ECPAS: variants seen among roughly 807,000 people sequenced by gnomAD.
ECPAS encodes Ecm29 proteasome adaptor and scaffold.
In ECPAS, 70 loss-of-function variants were observed where a neutral mutation model predicts 255.1. The observed-to-expected ratio is 0.27, with a 90% CI of 0.23 to 0.33. The LOEUF (loss-of-function observed/expected upper bound fraction) is 0.33. Among genes scored for constraint, ECPAS ranks in the 10% least tolerant of loss-of-function variants. The probability of loss-of-function intolerance (pLI) is 1.00; values close to 1 mark genes in which losing one functional copy is unlikely to be tolerated. For synonymous variants in ECPAS, 784 were observed against 775.0 expected (o/e 1.01, Z -0.19); for missense variants, 1,817 against 2,206.4 (o/e 0.82, Z 3.54).
chr9:111,394,709 T>C (rs866959402), intron 25 of ECPAS, among the ~76,000 whole-genome samples: 1 of 152,310 alleles, frequency 6.6e-6, no homozygotes, highest in African/African-American at 2.4e-5. Context: ...ACTACCGACA[T>C]TGTGGCTGGA....
At chr9:111,467,643 A>C (rs2098281202) in intron 2 of ECPAS, among the ~76,000 whole-genome samples, 5 of 152,194 alleles carry the variant, frequency 3.3e-5, no homozygotes, top group Non-Finnish European at 1.5e-5. Flanking sequence ...ACCACCGCTA[A>C]CACCACACGA....
intron 2 of ECPAS, among the ~76,000 whole-genome samples, chr9:111,467,802 T>G (rs529693207): frequency 6.8e-4 from 103 of 152,270 alleles, no homozygotes; most frequent in Non-Finnish European, 1.2e-3. Flanking sequence ...CAAAGCAGTT[T>G]CACATGGCCT....
At chr9:111,466,497 G>C (rs2098279739) in intron 2 of ECPAS, among the ~76,000 whole-genome samples, 1 of 151,908 alleles carries the variant, frequency 6.6e-6, no homozygotes, top group Non-Finnish European at 1.5e-5. Flanking sequence ...CAAAGGAAAA[G>C]TATCAAAACC....
chr9:111,470,472 A>G (rs1288492884), intron 2 of ECPAS, among the ~76,000 whole-genome samples: 1 of 152,054 alleles, frequency 6.6e-6, no homozygotes, highest in Admixed American at 6.5e-5. Flanking sequence ...CACGACACCC[A>G]GCTAACTTTT....
chr9:111,382,519 C>T (rs887993295), intron 35 of ECPAS, among the ~76,000 whole-genome samples: 4 of 152,036 alleles, frequency 2.6e-5, no homozygotes, highest in Admixed American at 6.6e-5. Flanking sequence ...CCGCCCACCT[C>T]GGCCTCCCAA....
chr9:111,450,267 G>T (rs1039432264), intron 3 of ECPAS, among the ~76,000 whole-genome samples: 7 of 152,156 alleles, frequency 4.6e-5, no homozygotes, highest in Admixed American at 2.0e-4. Flanking sequence ...TATCCTAATA[G>T]TAAGAGAAGG....
At chr9:111,437,865 T>C (rs1360774085) in intron 6 of ECPAS, among the ~76,000 whole-genome samples, 1 of 152,192 alleles carries the variant, frequency 6.6e-6, no homozygotes, top group Non-Finnish European at 1.5e-5. Context: ...ATGAAGTTTT[T>C]GATATAAATA....
Position 111,442,167 on chromosome 9 carries a change from C to T in ECPAS, c.389+139G>A, listed in dbSNP as rs188087841. The T allele has an allele frequency of 3.8e-3, 2,055 of 544,820 alleles. 10 individuals carry two copies. The highest frequency in any genetic ancestry group is 4.2e-3 in the Non-Finnish European group (1,296 of 307,396). 33.7% of individuals were successfully genotyped at this position (544,820 alleles called of 1,614,324 possible). On this transcript the variant is annotated intron_variant, in intron 5 of 49. Transcript: ENST00000684092. ...ACAAAACGGTAACTTTGAGGTACCA[C>T]GGAAAATTCTATTATTTGTCAGCTA...
At chr9:111,420,201 T>G in intron 15 of ECPAS, 81 bp from the exon 16 acceptor site, 1 of 848,734 alleles carries the variant, frequency 1.2e-6, no homozygotes. Context: ...TTCATTCCAA[T>G]CAAGATGAGT....
rs147165277 is a variant in ECPAS, at chr9:111,399,808, C to A, written c.2653-2655G>T. On this transcript the variant is annotated intron_variant, in intron 24 of 49. Transcript: ENST00000684092. ...GACCCACCCCAGGCAAGAAGGGAATCTGCTCATGTGGCATGAACAACCTAA... is the reference window on the plus strand; with the variant it reads ...GACCCACCCCAGGCAAGAAGGGAATATGCTCATGTGGCATGAACAACCTAA... Among the ~76,000 whole-genome samples, 820 of 152,380 alleles carry A rather than the reference C, an allele frequency of 5.4e-3. 8 individuals are homozygous for A. The highest frequency in any genetic ancestry group is 0.018 in the African/African-American group (767 of 41,590).
intron 2 of ECPAS, among the ~76,000 whole-genome samples, chr9:111,460,445 T>C (rs992690166): frequency 1.3e-5 from 2 of 152,214 alleles, no homozygotes; most frequent in Non-Finnish European, 2.9e-5. Flanking sequence ...TGTTCACTAT[T>C]ACCAATTCTA....
chr9:111,431,738 G>A (rs866102171), intron 8 of ECPAS, among the ~76,000 whole-genome samples: 12 of 152,042 alleles, frequency 7.9e-5, no homozygotes, highest in African/African-American at 2.7e-4. Context: ...CTGTGTTTGT[G>A]CAAACACAAC....
chr9:111,366,633 A>G lies in ECPAS; in HGVS notation c.5114-6T>C, dbSNP rs556015855. 1.3e-4 allele frequency: 206 copies of G among 1,593,364 alleles called. 3 individuals carry two copies. The South Asian group carries it at 2.2e-3, about 17-fold the overall frequency. On this transcript the variant is annotated splice_polypyrimidine_tract_variant and splice_region_variant and intron_variant, in intron 46 of 49. Transcript: ENST00000684092. ...CAGCTCCTGACGATAACAACCTGGG[A>G]AAAAAAGACAAGGTGGGACAGAGCA...
chr9:111,418,212 C>G (rs1051926524), intron 16 of ECPAS, among the ~76,000 whole-genome samples: 2 of 152,144 alleles, frequency 1.3e-5, no homozygotes, highest in Admixed American at 6.5e-5. Context: ...GGGGACTCAT[C>G]TGGCTTACAT....
chr9:111,462,719 G>A (rs549984122), intron 2 of ECPAS, among the ~76,000 whole-genome samples: 1 of 150,400 alleles, frequency 6.6e-6, no homozygotes, highest in Admixed American at 6.6e-5. Context: ...AATTAATGGA[G>A]AAGCACAACA....
intron 20 of ECPAS, 24 bp downstream of exon 20, chr9:111,413,871 A>C (rs751336224): frequency 6.6e-5 from 94 of 1,420,174 alleles, no homozygotes; most frequent in Non-Finnish European, 8.6e-5. Flanking sequence ...ATTTTTTTTA[A>C]AAAAAGGTAC....
intron 13 of ECPAS, among the ~76,000 whole-genome samples, chr9:111,422,894 A>T (rs2098216230): frequency 6.6e-6 from 1 of 152,218 alleles, no homozygotes; most frequent in African/African-American, 2.4e-5. Flanking sequence ...GCCAAGTAGC[A>T]ACAAAAACAC....
Position 111,440,664 on chromosome 9 carries a change from A to C in ECPAS, c.390-143T>G, listed in dbSNP as rs563117010. The C allele has an allele frequency of 1.5e-4, 93 of 618,148 alleles. No homozygotes were observed. The African/African-American group carries it at 1.5e-3, about 10-fold the overall frequency. 38.3% of individuals were successfully genotyped at this position (618,148 alleles called of 1,614,324 possible). Reference sequence around the variant, plus strand: ...CCTTTTCAACACTACTAATTTACAAAGTCCTAATCTAGGGACTGGCCTAGA... The same window carrying C: ...CCTTTTCAACACTACTAATTTACAACGTCCTAATCTAGGGACTGGCCTAGA... On this transcript the variant is annotated intron_variant, in intron 5 of 49. Transcript: ENST00000684092.
intron 13 of ECPAS, among the ~76,000 whole-genome samples, chr9:111,422,781 A>T (rs2098216107): frequency 6.6e-6 from 1 of 152,196 alleles, no homozygotes; most frequent in Non-Finnish European, 1.5e-5. Flanking sequence ...AATCACATTG[A>T]GAAGAAAAAA....
Sources: allele counts gnomAD v4.1 joint callset (sites outside exome capture counted in the v4.1 genomes callset), GRCh38; gene constraint gnomAD v4.1.1; transcripts MANE v1.5; gene names NCBI Gene and HGNC (gene_info 2026-07-23, HGNC 2026-07-21).